Variants in CNTN5 observed in about 807,000 individuals in gnomAD.
CNTN5 encodes contactin 5.
Under a neutral mutation model 129.1 loss-of-function variants are expected in CNTN5, and 77 were observed. The observed-to-expected ratio is 0.60, with a 90% CI of 0.50 to 0.72. The LOEUF (loss-of-function observed/expected upper bound fraction) is 0.72, where lower values mean the gene tolerates loss of function less well. CNTN5 is among the 30% of genes least tolerant of loss of function. CNTN5 has a pLI of 0.00. For missense variants in CNTN5, 1,478 were observed against 1,328.8 expected, an observed-to-expected ratio of 1.11 and a Z score of -1.75; for synonymous variants, 509 against 465.6, an observed-to-expected ratio of 1.09 and a Z score of -1.20.
intron 7 of CNTN5, among the ~76,000 whole-genome samples, chr11:99,942,901 T>A (rs555302116): frequency 6.6e-6 from 1 of 152,198 alleles, no homozygotes; most frequent in Admixed American, 6.6e-5. Flanking sequence ...GTACCACATA[T>A]GGAATATGTG....
intron 2 of CNTN5, among the ~76,000 whole-genome samples, chr11:99,361,736 C>A (rs1298071648): frequency 6.6e-6 from 1 of 152,114 alleles, no homozygotes; most frequent in Non-Finnish European, 1.5e-5. Context: ...ATCATACACA[C>A]ACTAGCTTTT....
intron 18 of CNTN5, among the ~76,000 whole-genome samples, chr11:100,284,467 G>T (rs923775723): frequency 6.6e-6 from 1 of 152,138 alleles, no homozygotes; most frequent in South Asian, 2.1e-4. Flanking sequence ...ATATAAATTT[G>T]GGATAGCATA....
At chr11:99,948,924 C>A (rs1004851200) in intron 7 of CNTN5, among the ~76,000 whole-genome samples, 8 of 152,186 alleles carry the variant, frequency 5.3e-5, no homozygotes, top group Non-Finnish European at 7.4e-5. Context: ...CCTGCCCCAG[C>A]CAGCAGCTAA....
In CNTN5 at chr11:99,090,873, T is replaced by C. The variant is rs1180245781; in HGVS notation, c.-210+69603T>C. Among the ~76,000 whole-genome samples, 6 of 151,608 alleles carry C rather than the reference T, an allele frequency of 4.0e-5. No homozygotes were observed. The East Asian group carries it at 1.2e-3, about 30-fold the overall frequency. ...CCGTCTCTACTAAAAATACAAAAAA[T>C]TAGCCCGTCGCGGTGGCAGGCGCCT... On this transcript the variant is annotated intron_variant, in intron 1 of 24. Transcript: ENST00000524871.
At chr11:100,070,964 A>G (rs1415709467) in intron 11 of CNTN5, among the ~76,000 whole-genome samples, 2 of 151,888 alleles carry the variant, frequency 1.3e-5, no homozygotes, top group South Asian at 2.1e-4. Flanking sequence ...ATCTTCGTTG[A>G]TAGACAAAGC....
intron 3 of CNTN5, among the ~76,000 whole-genome samples, chr11:99,747,800 A>G (rs1944104441): frequency 6.6e-6 from 1 of 152,182 alleles, no homozygotes; most frequent in Non-Finnish European, 1.5e-5. Context: ...GTTCCTGATC[A>G]TAGATGAAAA....
chr11:100,243,755 A>C (rs149917770), intron 16 of CNTN5, among the ~76,000 whole-genome samples: 112 of 152,282 alleles, frequency 7.4e-4, no homozygotes, highest in African/African-American at 2.5e-3. Flanking sequence ...ATTTCTGTTC[A>C]TCAATATCTC....
intron 3 of CNTN5, among the ~76,000 whole-genome samples, chr11:99,817,139 G>T (rs538961742): frequency 1.1e-3 from 171 of 152,208 alleles, no homozygotes; most frequent in African/African-American, 3.9e-3. Context: ...GTAGCTCCTT[G>T]AGGGCTAGGG....
intron 1 of CNTN5, among the ~76,000 whole-genome samples, chr11:99,199,205 T>A (rs1859047779): frequency 2.6e-5 from 4 of 152,128 alleles, no homozygotes; most frequent in Admixed American, 2.6e-4. Context: ...TTCAAAAATT[T>A]TTCAAGTCCC....
chr11:99,180,459 C>T (rs1308132938), intron 1 of CNTN5, among the ~76,000 whole-genome samples: 1 of 152,104 alleles, frequency 6.6e-6, no homozygotes, highest in African/African-American at 2.4e-5. Context: ...GTCAAGAGGG[C>T]TCTTTGTGAC....
At chr11:99,382,574 G>T (rs1226173957) in intron 2 of CNTN5, among the ~76,000 whole-genome samples, 1 of 152,028 alleles carries the variant, frequency 6.6e-6, no homozygotes, top group African/African-American at 2.4e-5. Flanking sequence ...GCTTTTACGA[G>T]ACTTATTTGT....
intron 2 of CNTN5, among the ~76,000 whole-genome samples, chr11:99,431,547 C>A (rs1591045155): frequency 6.6e-6 from 1 of 152,130 alleles, no homozygotes; most frequent in South Asian, 2.1e-4. Context: ...ACTCCCAGAT[C>A]TCAGCAAATT....
At chr11:99,973,117 C>T (rs1023571365) in intron 8 of CNTN5, among the ~76,000 whole-genome samples, 4 of 151,922 alleles carry the variant, frequency 2.6e-5, no homozygotes, top group Non-Finnish European at 4.4e-5. Context: ...ATACAGATTC[C>T]TGGTTCTCCC....
chr11:99,399,580 A>G (rs1385447093), intron 2 of CNTN5, among the ~76,000 whole-genome samples: 3 of 145,470 alleles, frequency 2.1e-5, no homozygotes, highest in Non-Finnish European at 4.5e-5. Context: ...TTGTAGTTAT[A>G]TATGCAATGG....
Position 99,819,667 on chromosome 11 carries a change from G to A in CNTN5, c.179G>A (p.Gly60Glu). Residue 60 changes from glycine (G) to glutamate (E), a missense_variant, in exon 4 of 25, where the codon GGA becomes GAA. Coordinates refer to ENST00000524871, the MANE Select transcript of CNTN5 (RefSeq NM_014361.4). ...CCACGATACAGCAGCCCTTCATTAG[G>A]AACACTGAGTGCTTCTTCACCCAGC... ...TRPRYSSPSL[G>E]TLSASSPSWL... The A allele has an allele frequency of 1.2e-6, 2 of 1,612,976 alleles. No homozygotes were observed. Among genetic ancestry groups the A allele is most frequent in the Admixed American group, 1.7e-5 (1 of 60,026 alleles).
intron 9 of CNTN5, among the ~76,000 whole-genome samples, chr11:100,015,801 A>C (rs1471922591): frequency 1.3e-5 from 2 of 152,142 alleles, no homozygotes. Flanking sequence ...TTTTAAAATT[A>C]ATTACATAAG....
rs182101283 is a variant in CNTN5, at chr11:100,269,534, T to C, written c.2165-1558T>C. 3.9e-4 allele frequency among the ~76,000 whole-genome samples: 59 copies of C among 152,256 alleles called. 1 individual carries two copies. Among genetic ancestry groups the C allele is most frequent in the African/African-American group, 1.1e-3 (44 of 41,566 alleles). On this transcript the variant is annotated intron_variant, in intron 17 of 24. Transcript: ENST00000524871. Reference sequence around the variant, plus strand: ...AGAGGAAAAAAGGGCTGGTTCTTTTTCTCCGTGATATCTTAAGAGGTCCAC... The same window carrying C: ...AGAGGAAAAAAGGGCTGGTTCTTTTCCTCCGTGATATCTTAAGAGGTCCAC...
intron 1 of CNTN5, among the ~76,000 whole-genome samples, chr11:99,164,940 T>C (rs1182029409): frequency 6.6e-6 from 1 of 152,240 alleles, no homozygotes; most frequent in Non-Finnish European, 1.5e-5. Flanking sequence ...TGTGTGTATA[T>C]ATCTAAACAG....
intron 6 of CNTN5, among the ~76,000 whole-genome samples, chr11:99,902,020 G>A (rs1949370590): frequency 6.6e-6 from 1 of 152,152 alleles, no homozygotes; most frequent in African/African-American, 2.4e-5. Flanking sequence ...TGGAAGAGAT[G>A]TAATTCAAAT....
Sources: allele counts gnomAD v4.1 joint callset (sites outside exome capture counted in the v4.1 genomes callset), GRCh38; gene constraint gnomAD v4.1.1; transcripts MANE v1.5; gene names NCBI Gene and HGNC (gene_info 2026-07-23, HGNC 2026-07-21).